DAP: variants seen among roughly 807,000 people sequenced by gnomAD.
The protein encoded by DAP is death-associated protein 1.
Under a neutral mutation model 13.8 loss-of-function variants are expected in DAP, and 8 were observed. The observed-to-expected ratio is 0.58, with a 90% confidence interval of 0.34 to 1.05. The LOEUF is 1.05. Among genes scored for constraint, DAP ranks in the 50% least tolerant of loss-of-function variants. The pLI is 0.03. For synonymous variants in DAP, 47 were observed against 47.5 expected (o/e 0.99, Z 0.04); for missense variants, 106 against 133.2 (o/e 0.80, Z 1.01).
At chr5:10,710,651 G>A (rs1738825728) in intron 2 of DAP, among the ~76,000 whole-genome samples, 1 of 152,192 alleles carries the variant, frequency 6.6e-6, no homozygotes, top group South Asian at 2.1e-4. Flanking sequence ...GAGCCTGGGA[G>A]GGTGGCTGGA....
At chr5:10,688,515 T>C (rs1458611251) in intron 2 of DAP, among the ~76,000 whole-genome samples, 1 of 152,342 alleles carries the variant, frequency 6.6e-6, no homozygotes, top group African/African-American at 2.4e-5. Flanking sequence ...TTTATCACAA[T>C]ATTTGCTTTA....
At chr5:10,709,830 G>T (rs1479635388) in intron 2 of DAP, among the ~76,000 whole-genome samples, 1 of 152,230 alleles carries the variant, frequency 6.6e-6, no homozygotes, top group African/African-American at 2.4e-5. Context: ...CCAAAGGGAA[G>T]AGTGCTGGGC....
At chr5:10,706,004 A>G (rs753765690) in intron 2 of DAP, among the ~76,000 whole-genome samples, 2 of 152,140 alleles carry the variant, frequency 1.3e-5, no homozygotes, top group Non-Finnish European at 2.9e-5. Context: ...AGCCACAGTC[A>G]CCTCCGCCCT....
In DAP at chr5:10,698,410, C is replaced by CCTACCTT. The variant is rs993519664; in HGVS notation, c.153-14846_153-14840dup. Reference sequence around the variant, plus strand: ...GATAACTTACGTTCAACCCAACAACCCTACCTTCACCCACGTTTATAGCAA... The same window carrying CCTACCTT: ...GATAACTTACGTTCAACCCAACAACCCTACCTTCTACCTTCACCCACGTTTATAGCAA... On this transcript the variant is annotated intron_variant, in intron 2 of 3. Transcript: ENST00000230895. Among the ~76,000 whole-genome samples, 15 of 152,124 alleles carry CCTACCTT rather than the reference C, an allele frequency of 9.9e-5. No individual in the cohort carries two copies. In the East Asian group the frequency reaches 1.4e-3, roughly 14 times the overall value.
intron 2 of DAP, among the ~76,000 whole-genome samples, chr5:10,703,932 C>A (rs1289050602): frequency 6.6e-6 from 1 of 152,236 alleles, no homozygotes; most frequent in East Asian, 1.9e-4. Context: ...AATACAGCAG[C>A]GGTGAAGAGG....
Position 10,707,654 on chromosome 5 carries a change from G to C in DAP, c.153-24083C>G, listed in dbSNP as rs1433783361. Among the ~76,000 whole-genome samples, 1 of 151,564 alleles carries C rather than the reference G, an allele frequency of 6.6e-6. No homozygotes were observed. Among genetic ancestry groups the C allele is most frequent in the African/African-American group, 2.4e-5 (1 of 41,184 alleles). On this transcript the variant is annotated intron_variant, in intron 2 of 3. Transcript: ENST00000230895. This position sits in a 1 kb window ranked among gnomAD's most constrained non-coding sequence, Gnocchi z 4.0. Reference sequence around the variant, plus strand: ...GTACAGGTGGTGTGATGCACGGGTGGTGTGATTTGCGATCAGTGTGGTGCA... The same window carrying C: ...GTACAGGTGGTGTGATGCACGGGTGCTGTGATTTGCGATCAGTGTGGTGCA...
intron 2 of DAP, among the ~76,000 whole-genome samples, chr5:10,747,870 C>T (rs559513380): frequency 7.2e-5 from 11 of 152,138 alleles, no homozygotes; most frequent in Non-Finnish European, 1.5e-4. Context: ...TAAACCCAGG[C>T]ACCTGGGCAG....
At chr5:10,692,521 C>T (rs1231132714) in intron 2 of DAP, among the ~76,000 whole-genome samples, 4 of 152,214 alleles carry the variant, frequency 2.6e-5, no homozygotes, top group African/African-American at 9.7e-5. Flanking sequence ...GTCTAACGCT[C>T]TTCCACAGGA....
Position 10,681,030 on chromosome 5 carries a change from A to G in DAP, c.*26T>C, listed in dbSNP as rs2126631043. 1 of 1,573,316 alleles carries G rather than the reference A, an allele frequency of 6.4e-7. No homozygotes were observed. Among genetic ancestry groups the G allele is most frequent in the Non-Finnish European group, 8.6e-7 (1 of 1,158,270 alleles). Reference sequence around the variant, plus strand: ...TACCAAGTGCAGCAGAGCCGGGGCCATGGGGCAGGCTGGTGGACTCCAGGC... The same window carrying G: ...TACCAAGTGCAGCAGAGCCGGGGCCGTGGGGCAGGCTGGTGGACTCCAGGC... On this transcript the variant is annotated 3_prime_UTR_variant, in exon 4 of 4. Transcript: ENST00000230895.
intron 2 of DAP, among the ~76,000 whole-genome samples, chr5:10,732,643 T>C (rs1470940330): frequency 6.6e-6 from 1 of 152,218 alleles, no homozygotes; most frequent in African/African-American, 2.4e-5. Flanking sequence ...CATGTACAAG[T>C]TTCTGCTTGA....
At chr5:10,687,480 T>C (rs1284995055) in intron 2 of DAP, among the ~76,000 whole-genome samples, 1 of 152,140 alleles carries the variant, frequency 6.6e-6, no homozygotes, top group Non-Finnish European at 1.5e-5. Context: ...CCAACCCTCA[T>C]GGGTAACTTT....
At chr5:10,724,914 CAGG>C (rs5745216) in intron 2 of DAP, among the ~76,000 whole-genome samples, 13,454 of 152,086 alleles carry the variant, frequency 0.088, 799 homozygotes, top group African/African-American at 0.17. Flanking sequence ...CTACTCCCCC[CAGG>C]AGGAGAAGGT....
At chr5:10,750,637 G>C (rs1740023827) in intron 1 of DAP, among the ~76,000 whole-genome samples, 1 of 152,152 alleles carries the variant, frequency 6.6e-6, no homozygotes, top group African/African-American at 2.4e-5. Flanking sequence ...CCAGGTATTT[G>C]ATGGGGTCTT....
At chr5:10,719,822 T>C (rs1056174978) in intron 2 of DAP, among the ~76,000 whole-genome samples, 27 of 152,302 alleles carry the variant, frequency 1.8e-4, no homozygotes, top group Admixed American at 1.7e-3. Context: ...AGGAGTTCCC[T>C]ATGATCAGTT....
At position 10,679,949 on chromosome 5, in the gene DAP, G is replaced by C. The variant is rs1055024032; in HGVS notation, c.*1107C>G. On this transcript the variant is annotated 3_prime_UTR_variant, in exon 4 of 4. Coordinates refer to ENST00000230895, the MANE Select transcript of DAP (RefSeq NM_004394.3). ...GACTAGGTGAACCCTCTGGCTTTTC[G>C]AGGACGCAGGGTACCCTACTGCCAC... The C allele has an allele frequency of 6.6e-6, 1 of 152,372 alleles. No individual in the cohort carries two copies. Among genetic ancestry groups the C allele is most frequent in the Non-Finnish European group, 1.5e-5 (1 of 68,066 alleles). The allele number at this position is 152,372 out of a possible 1,614,324, so 9.4% of individuals were successfully genotyped here.
intron 2 of DAP, among the ~76,000 whole-genome samples, chr5:10,730,809 G>A (rs1385488564): frequency 7.5e-6 from 1 of 133,108 alleles, no homozygotes; most frequent in African/African-American, 2.9e-5. Context: ...GCCCTGGTGG[G>A]GGGAATCCTT....
Position 10,681,106 on chromosome 5 carries a change from C to CT in DAP, c.258_259insA (p.Asp87ArgfsTer54). ...TGGGTTCTTGGGGAAGGATGCTTGT[C>CT]CATGGAGGCATGCGGCTTCTGGTGA... On this transcript the variant is annotated frameshift_variant, in exon 4 of 4. Coordinates refer to ENST00000230895, the MANE Select transcript of DAP (RefSeq NM_004394.3). LOFTEE classifies it high-confidence loss of function. 2 of 1,583,232 alleles carry CT rather than the reference C, an allele frequency of 1.3e-6. No individual in the cohort carries two copies. Among genetic ancestry groups the CT allele is most frequent in the Non-Finnish European group, 1.7e-6 (2 of 1,164,548 alleles).
In DAP at chr5:10,750,207, G is replaced by A. The variant is rs190288366; in HGVS notation, c.56-1936C>T. Among the ~76,000 whole-genome samples, 21 of 152,242 alleles carry A rather than the reference G, an allele frequency of 1.4e-4. No homozygotes were observed. In the East Asian group the frequency reaches 4.1e-3, roughly 29 times the overall value. The stretch of plus-strand genomic sequence containing the variant: ...CATTTTAAACTGAGTGGACCCTGCC[G>A]AGTCACGAAAACCCAGGCCAACTTT... On this transcript the variant is annotated intron_variant, in intron 1 of 3. Coordinates refer to ENST00000230895, the MANE Select transcript of DAP (RefSeq NM_004394.3).
intron 2 of DAP, among the ~76,000 whole-genome samples, chr5:10,742,948 T>C (rs1474418768): frequency 6.6e-6 from 1 of 152,170 alleles, no homozygotes. Flanking sequence ...CATCCATCCA[T>C]CCATCTATCC....
Sources: allele counts gnomAD v4.1 joint callset (sites outside exome capture counted in the v4.1 genomes callset), GRCh38; gene constraint gnomAD v4.1.1; non-coding constraint Gnocchi (gnomAD v3.1); transcripts MANE v1.5; gene names NCBI Gene and HGNC (gene_info 2026-07-23, HGNC 2026-07-21).